Variants in UTP20 observed in about 807,000 individuals in gnomAD.
The protein encoded by UTP20 is UTP20 small subunit processome component, also known as small subunit processome component 20 homolog.
A neutral mutation model predicts 329.5 loss-of-function variants in UTP20; 164 were observed. The observed-to-expected ratio is 0.50, with a 90% CI of 0.44 to 0.57. UTP20 has a LOEUF of 0.57. UTP20 is among the 20% of genes least tolerant of loss of function. The probability of loss-of-function intolerance (pLI) is 0.00; values close to 1 mark genes in which losing one functional copy is unlikely to be tolerated. For synonymous variants in UTP20, 1,151 were observed against 1,159.3 expected (o/e 0.99, Z 0.14); for missense variants, 3,055 against 3,284.2 (o/e 0.93, Z 1.71).
Position 101,362,001 on chromosome 12 carries a change from G to C in UTP20, c.5731G>C (p.Gly1911Arg). The stretch of plus-strand genomic sequence containing the variant: ...TTTCACCGTTCACATGCTGCTGCAA[G>C]GCCTCACCAATAAGCTGCAGGTCGG... ...LTFTVHMLLQ[G>R]LTNKLQVGDL... The change falls in exon 44 of 62, where the codon GGC becomes CGC. Residue 1911 changes from glycine (G) to arginine (R), a missense_variant. By Grantham distance (125) the Gly-to-Arg change is moderately radical. Around this residue, in one of 3 missense-constraint regions of UTP20, gnomAD observed 2,445 missense variants for 2,575.5 expected, o/e 0.95. Transcript: ENST00000261637. 6.2e-7 allele frequency: 1 copy of C among 1,613,700 alleles called. No homozygotes were observed. Among genetic ancestry groups the C allele is most frequent in the East Asian group, 2.2e-5 (1 of 44,868 alleles).
At chr12:101,382,491 G>A (rs1464621449) in intron 58 of UTP20, among the ~76,000 whole-genome samples, 1 of 152,142 alleles carries the variant, frequency 6.6e-6, no homozygotes, top group African/African-American at 2.4e-5. Context: ...GACTTTAAAG[G>A]GTAGAACTAG....
intron 26 of UTP20, among the ~76,000 whole-genome samples, chr12:101,328,095 A>G (rs1868630036): frequency 6.6e-6 from 1 of 152,160 alleles, no homozygotes; most frequent in Non-Finnish European, 1.5e-5. Context: ...AACATAGAGA[A>G]TTATTTATAG....
intron 21 of UTP20, among the ~76,000 whole-genome samples, chr12:101,316,756 G>A (rs1233318689): frequency 1.3e-5 from 2 of 152,210 alleles, no homozygotes; most frequent in East Asian, 1.9e-4. Context: ...TTGTTTGGGT[G>A]AGTGAATGAA....
chr12:101,306,155 A>G, intron 16 of UTP20, 90 bp downstream of exon 16: 5 of 1,419,584 alleles, frequency 3.5e-6, no homozygotes, highest in Non-Finnish European at 4.7e-6. Flanking sequence ...TTAGTTAGAA[A>G]GTGTTGCTGT....
intron 12 of UTP20, among the ~76,000 whole-genome samples, chr12:101,296,089 A>T (rs960863961): frequency 6.6e-6 from 1 of 152,224 alleles, no homozygotes; most frequent in African/African-American, 2.4e-5. Flanking sequence ...ACAACTGTAG[A>T]ATTGACATTG....
At chr12:101,286,011 G>A in intron 4 of UTP20, 130 bp downstream of exon 4, 1 of 1,332,218 alleles carries the variant, frequency 7.5e-7, no homozygotes, top group Middle Eastern at 1.9e-4. Context: ...TTCCTTTTCT[G>A]TTAGGAATAA....
intron 36 of UTP20, 55 bp from the exon 37 acceptor site, chr12:101,345,499 T>G (rs954431706): frequency 3.4e-6 from 4 of 1,163,268 alleles, no homozygotes; most frequent in Non-Finnish European, 3.5e-6. Flanking sequence ...TTTCCTCATA[T>G]TAGAAACAAA....
intron 8 of UTP20, chr12:101,291,148 C>T: frequency 3.2e-6 from 1 of 311,874 alleles, no homozygotes; most frequent in Non-Finnish European, 5.8e-6. Flanking sequence ...GCTAGTGTAA[C>T]CTGGGAAAAT....
intron 50 of UTP20, 48 bp from the exon 51 acceptor site, chr12:101,371,010 T>C: frequency 1.3e-6 from 2 of 1,551,714 alleles, no homozygotes; most frequent in Middle Eastern, 3.4e-4. Flanking sequence ...TCCACGCATC[T>C]GCAGCAAAAC....
intron 32 of UTP20, among the ~76,000 whole-genome samples, chr12:101,342,014 C>T (rs1380128089): frequency 6.6e-6 from 1 of 152,094 alleles, no homozygotes; most frequent in Non-Finnish European, 1.5e-5. Context: ...CTAGAGGTGA[C>T]TTAAAATATA....
intron 47 of UTP20, among the ~76,000 whole-genome samples, chr12:101,366,964 G>A (rs77952323): frequency 0.2 from 29,687 of 151,760 alleles, 3,524 homozygotes; most frequent in East Asian, 0.37. Flanking sequence ...GAGTCCCTCT[G>A]AACTACTTTG....
chr12:101,319,499 C>T (rs904240791), intron 22 of UTP20, 46 bp from the exon 23 acceptor site: 6 of 1,452,818 alleles, frequency 4.1e-6, no homozygotes, highest in African/African-American at 2.9e-5. Flanking sequence ...AGAAAATGAT[C>T]TCAATTCTTT....
Position 101,375,698 on chromosome 12 carries a change from CA to C in UTP20, c.7340del (p.Lys2447ArgfsTer15). 1 of 1,604,574 alleles carries C rather than the reference CA, an allele frequency of 6.2e-7. No homozygotes were observed. Among genetic ancestry groups the C allele is most frequent in the Non-Finnish European group, 8.5e-7 (1 of 1,173,034 alleles). The part of the protein sequence containing the change: ...SFLTLITKLI[K>X]ECNIIQFTKP... ...TTCTTACACTGATAACTAAACTTAT[CA>C]AGGAATGTAATATTATTCAGTTTAC... is the stretch of plus-strand genomic sequence containing the variant. On this transcript the variant is annotated frameshift_variant, in exon 56 of 62. Coordinates refer to ENST00000261637, the MANE Select transcript of UTP20 (RefSeq NM_014503.3). LOFTEE classifies it high-confidence loss of function.
chr12:101,333,514 G>C (rs935800878), intron 28 of UTP20, 70 bp downstream of exon 28: 20 of 1,552,966 alleles, frequency 1.3e-5, no homozygotes, highest in Non-Finnish European at 1.7e-5. Flanking sequence ...CACCAACATA[G>C]CTACCACCCA....
At chr12:101,293,046 CG>C in intron 10 of UTP20, 121 bp from the exon 11 acceptor site, 1 of 924,526 alleles carries the variant, frequency 1.1e-6, no homozygotes. Flanking sequence ...TGGAGAAGGC[CG>C]GGCAACTGGA....
chr12:101,317,559 A>T lies in UTP20; in HGVS notation c.2634A>T (p.Glu878Asp). ...AAGGCAAAGGGATGGTGGCAGAGGA[A>T]ATCGAAGAGGAACCTGCCGCAGGAG... Reference protein sequence around the residue: ...RRKGKGMVAEEIEEEPAAGDD... With the variant: ...RRKGKGMVAEDIEEEPAAGDD... The change falls in exon 22 of 62, where the codon GAA becomes GAT. Residue 878 changes from glutamate (E) to aspartate (D), a missense_variant. This residue lies in a region of UTP20 where 2,445 missense variants were observed against 2,575.5 expected (regional missense o/e 0.95). Coordinates refer to ENST00000261637, the MANE Select transcript of UTP20 (RefSeq NM_014503.3). 1 of 1,614,164 alleles carries T rather than the reference A, an allele frequency of 6.2e-7. No individual in the cohort carries two copies. Among genetic ancestry groups the T allele is most frequent in the Non-Finnish European group, 8.5e-7 (1 of 1,180,012 alleles).
chr12:101,381,271 C>T, intron 58 of UTP20, 60 bp downstream of exon 58: 1 of 1,451,306 alleles, frequency 6.9e-7, no homozygotes, highest in Non-Finnish European at 9.7e-7. Context: ...GTGGCTCGCG[C>T]CTGTAATCCC....
chr12:101,357,272 T>C (rs570349851), intron 43 of UTP20, among the ~76,000 whole-genome samples, 190 bp downstream of exon 43: 1 of 152,336 alleles, frequency 6.6e-6, no homozygotes, highest in African/African-American at 2.4e-5. Flanking sequence ...ATATCTGATT[T>C]TTAAAAGATC....
rs774783976 is a variant in UTP20, at chr12:101,352,135, C to T, written c.4965C>T (p.Tyr1655=). ...TCTCTTGGTCAGCGTATATGTATTA[C>T]TTGAAACATTTCATTCATGTCTTAC... ...KHLSWSAYMY[Y]LKHFIHVLQT... is the part of the protein sequence containing the mutation. The change falls in exon 39 of 62, where the codon TAC becomes TAT. Residue 1655 remains tyrosine (Y), a synonymous_variant. Transcript: ENST00000261637. 9 of 1,613,798 alleles carry T rather than the reference C, an allele frequency of 5.6e-6. No individual in the cohort carries two copies.
Sources: gnomAD v4.1 joint callset for allele counts (sites outside exome capture counted in the v4.1 genomes callset) on GRCh38, gnomAD v4.1.1 for gene constraint, gnomAD v4.1.1 regional missense constraint, MANE v1.5 for transcripts, NCBI Gene and HGNC (gene_info 2026-07-23, HGNC 2026-07-21) for gene names.